The following WDR26 variants were observed in gnomAD, a reference collection of about 807,000 sequenced individuals.
The protein encoded by WDR26 is WD repeat domain 26.
WDR26 carries 5 observed loss-of-function variants against 84.1 expected under a neutral mutation model. The observed-to-expected ratio is 0.06, with a 90% CI of 0.03 to 0.13. The LOEUF (loss-of-function observed/expected upper bound fraction) is 0.13. Among genes scored for constraint, WDR26 ranks in the 10% least tolerant of loss-of-function variants. The pLI, the probability that WDR26 is intolerant of heterozygous loss-of-function variation, is 1.00. For missense variants in WDR26, 642 were observed against 974.9 expected, an observed-to-expected ratio of 0.66 and a Z score of 4.55; for synonymous variants, 415 against 389.6, an observed-to-expected ratio of 1.07 and a Z score of -0.77.
Position 224,411,530 on chromosome 1 carries a change from G to A in WDR26, c.1355C>T (p.Thr452Met), listed in dbSNP as rs532004418. 3.1e-6 allele frequency: 5 copies of A among 1,612,562 alleles called. No homozygotes were observed. Among genetic ancestry groups the A allele is most frequent in the East Asian group, 2.2e-5 (1 of 44,818 alleles). ...GAACCACACTTCATTACAATGCTCC[G>A]TAAGTATCTGCTGCGTATAACATGG... The change falls in exon 7 of 14, where the codon ACG becomes ATG. Residue 452 changes from threonine (T) to methionine (M), a missense_variant. Physicochemically the swap from Thr to Met is moderately conservative, Grantham distance 81. This residue lies in a region of WDR26 where 351 missense variants were observed against 672.8 expected (regional missense o/e 0.52). Transcript: ENST00000414423.
chr1:224,425,487 T>C (rs1207331391), intron 3 of WDR26, among the ~76,000 whole-genome samples: 3 of 152,266 alleles, frequency 2.0e-5, no homozygotes, highest in Admixed American at 2.0e-4. Flanking sequence ...TGTGAGACAC[T>C]TTCACATTTA....
At chr1:224,409,126 TAAC>T (rs1379461156) in intron 7 of WDR26, among the ~76,000 whole-genome samples, 1 of 152,148 alleles carries the variant, frequency 6.6e-6, no homozygotes, top group Non-Finnish European at 1.5e-5. Context: ...GTGACTCCAT[TAAC>T]AAGAGAAATC....
chr1:224,393,284 A>G (rs1673174910), intron 13 of WDR26, among the ~76,000 whole-genome samples: 1 of 152,248 alleles, frequency 6.6e-6, no homozygotes, highest in Admixed American at 6.5e-5. Flanking sequence ...GCAAGACAGT[A>G]TATGTAAAGG....
chr1:224,415,050 G>C (rs1245364676), intron 6 of WDR26, among the ~76,000 whole-genome samples: 1 of 152,012 alleles, frequency 6.6e-6, no homozygotes, highest in Admixed American at 6.6e-5. Context: ...AGTAAATTCA[G>C]GTTCTATTTT....
At chr1:224,433,593 G>GCCCCCCC in intron 1 of WDR26, 91 bp downstream of exon 1, 7 of 829,660 alleles carry the variant, frequency 8.4e-6, no homozygotes, top group Non-Finnish European at 1.2e-5. Context: ...GCTCTTTCAA[G>GCCCCCCC]CCCCCCTCCC....
intron 3 of WDR26, chr1:224,429,492 CT>C (rs1674324482): frequency 6.6e-6 from 1 of 152,286 alleles, no homozygotes; most frequent in Admixed American, 6.5e-5. Context: ...ATTAGATTCT[CT>C]TCTTCTGGAG....
chr1:224,402,711 T>C lies in WDR26; in HGVS notation c.1600-1642A>G, dbSNP rs1214353404. 4.6e-5 allele frequency among the ~76,000 whole-genome samples: 7 copies of C among 152,330 alleles called. No individual in the cohort carries two copies. The East Asian group carries it at 1.4e-3, about 29-fold the overall frequency. Reference sequence around the variant, plus strand: ...AAGCTTTAATGGAAAAAAGTTTTCATTGATCTTCTAGGTCAGACTCACTGC... The same window carrying C: ...AAGCTTTAATGGAAAAAAGTTTTCACTGATCTTCTAGGTCAGACTCACTGC... On this transcript the variant is annotated intron_variant, in intron 8 of 13. Coordinates refer to ENST00000414423, the MANE Select transcript of WDR26 (RefSeq NM_001379403.1).
intron 6 of WDR26, among the ~76,000 whole-genome samples, chr1:224,415,197 A>G (rs1298361800): frequency 6.6e-6 from 1 of 152,194 alleles, no homozygotes; most frequent in Non-Finnish European, 1.5e-5. Context: ...GGTTTGGGAA[A>G]ACTGGGTAGA....
intron 6 of WDR26, among the ~76,000 whole-genome samples, chr1:224,411,787 C>T (rs921016918): frequency 6.6e-6 from 1 of 151,660 alleles, no homozygotes; most frequent in Non-Finnish European, 1.5e-5. Flanking sequence ...ATCACTGTAG[C>T]CCTGACCGCC....
rs1558453036 is a variant in WDR26 at position 224,434,617 on chromosome 1, CGCGCCGGGGG to C, written c.-222_-213del. On this transcript the variant is annotated 5_prime_UTR_variant, in exon 1 of 14. Coordinates refer to ENST00000414423, the MANE Select transcript of WDR26 (RefSeq NM_001379403.1). ...AGCTCGGGGTGCGCGGCCCGGGGGT[CGCGCCGGGGG>C]GCGCCGCGGGGCGGCTGCGGGGGCG... is the stretch of plus-strand genomic sequence containing the variant. 2 of 551,842 alleles carry C rather than the reference CGCGCCGGGGG, an allele frequency of 3.6e-6. No individual in the cohort carries two copies. The highest frequency in any genetic ancestry group is 7.8e-5 in the South Asian group (1 of 12,854). The allele number at this position is 551,842 out of a possible 1,614,324, so 34.2% of individuals were successfully genotyped here.
At chr1:224,413,474 T>C (rs1673795086) in intron 6 of WDR26, 1 of 273,890 alleles carries the variant, frequency 3.7e-6, no homozygotes, top group South Asian at 4.2e-5. Flanking sequence ...ATTACTACTA[T>C]ACATGTGTGA....
rs866641515 is a variant in WDR26, at chr1:224,434,016, C to G, written c.390G>C (p.Pro130=). Residue 130 remains proline, a synonymous_variant, in exon 1 of 14, where the codon CCG becomes CCC. Coordinates refer to ENST00000414423, the MANE Select transcript of WDR26 (RefSeq NM_001379403.1). Reference sequence around the variant, plus strand: ...TCTGGGCCGACAAGCAGGCGAGTTCCGGGGTCTGTCCCTGGCCCCCGCCGC... The same window carrying G: ...TCTGGGCCGACAAGCAGGCGAGTTCGGGGGTCTGTCCCTGGCCCCCGCCGC... 4 of 1,502,794 alleles carry G rather than the reference C, an allele frequency of 2.7e-6. No individual in the cohort carries two copies. The Middle Eastern group carries it at 8.0e-4, about 301-fold the overall frequency. 93.1% of individuals were successfully genotyped at this position (1,502,794 alleles called of 1,614,324 possible).
At position 224,385,964 on chromosome 1, in the gene WDR26, C is replaced by G. The variant is rs1049797105; in HGVS notation, c.*3871G>C. On this transcript the variant is annotated 3_prime_UTR_variant, in exon 14 of 14. Coordinates refer to ENST00000414423, the MANE Select transcript of WDR26 (RefSeq NM_001379403.1). ...CTTTTTAATGAATCAAGTACTCTCT[C>G]TCTCACACACACACAGAACACACAC... 6.6e-6 allele frequency: 1 copy of G among 152,118 alleles called. No homozygotes were observed. Among genetic ancestry groups the G allele is most frequent in the Non-Finnish European group, 1.5e-5 (1 of 67,992 alleles). 9.4% of individuals were successfully genotyped at this position (152,118 alleles called of 1,614,324 possible).
intron 6 of WDR26, 132 bp from the exon 7 acceptor site, chr1:224,411,697 T>G: frequency 1.9e-6 from 2 of 1,053,026 alleles, no homozygotes; most frequent in East Asian, 2.7e-5. Context: ...TGAATGCATT[T>G]GTAAATCTTT....
At position 224,434,064 on chromosome 1, in the gene WDR26, G is replaced by GCCGCCA. The variant is rs1282696283; in HGVS notation, c.336_341dup (p.Gly124_Gly125dup). ...CGCCCCCTCCTCCTCCACCGCCGCC[G>GCCGCCA]CCGCCACCTCCTCCTCCTCCTCCTG... On this transcript the variant is annotated inframe_insertion, in exon 1 of 14. Coordinates refer to ENST00000414423, the MANE Select transcript of WDR26 (RefSeq NM_001379403.1). 75 of 1,447,584 alleles carry GCCGCCA rather than the reference G, an allele frequency of 5.2e-5. No homozygotes were observed. The highest frequency in any genetic ancestry group is 6.2e-5 in the Non-Finnish European group (69 of 1,104,992). The allele number at this position is 1,447,584 out of a possible 1,614,324, so 89.7% of individuals were successfully genotyped here. A position where few individuals can be genotyped will look rare whatever the true frequency, so the allele number is the denominator to read the frequency against.
chr1:224,424,491 C>G lies in WDR26; in HGVS notation c.1064+27G>C, dbSNP rs768700087. 23 of 1,610,370 alleles carry G rather than the reference C, an allele frequency of 1.4e-5. No individual in the cohort carries two copies. The Admixed American group carries it at 3.4e-4, about 24-fold the overall frequency. On this transcript the variant is annotated intron_variant, in intron 4 of 13. Coordinates refer to ENST00000414423, the MANE Select transcript of WDR26 (RefSeq NM_001379403.1). ...AATATAACTTTGGCCCTCCATTAACCTGAGTTCAAGAACTCAGTTTCCTTA... is the reference window on the plus strand; with the variant it reads ...AATATAACTTTGGCCCTCCATTAACGTGAGTTCAAGAACTCAGTTTCCTTA...
chr1:224,431,751 T>C lies in WDR26; in HGVS notation c.753A>G (p.Ser251=), dbSNP rs1373624664. ...CAGAAGGATGTTCTAAACGACATCC[T>C]GACTCTTGCATGAGGAGATCAACAG... Residue 251 remains serine (S), a synonymous_variant, in exon 2 of 14, where the codon TCA becomes TCG. Coordinates refer to ENST00000414423, the MANE Select transcript of WDR26 (RefSeq NM_001379403.1). 6.2e-7 allele frequency: 1 copy of C among 1,613,778 alleles called. No individual in the cohort carries two copies. Among genetic ancestry groups the C allele is most frequent in the East Asian group, 2.2e-5 (1 of 44,862 alleles).
intron 9 of WDR26, among the ~76,000 whole-genome samples, chr1:224,399,829 G>A (rs1040531914): frequency 1.3e-5 from 2 of 152,114 alleles, no homozygotes; most frequent in African/African-American, 2.4e-5. Flanking sequence ...ATCTGGGGTC[G>A]GGTGTGGTAG....
chr1:224,413,202 CA>C (rs752232117), intron 6 of WDR26: 4 of 715,294 alleles, frequency 5.6e-6, no homozygotes, highest in Admixed American at 4.6e-5. Flanking sequence ...ACAACAACAA[CA>C]AAAACCCCCC....
Sources: allele counts gnomAD v4.1 joint callset (sites outside exome capture counted in the v4.1 genomes callset), GRCh38; gene constraint gnomAD v4.1.1; regional missense constraint gnomAD v4.1.1; transcripts MANE v1.5; gene names NCBI Gene and HGNC (gene_info 2026-07-23, HGNC 2026-07-21).